ZBTB38: variants seen among roughly 807,000 people sequenced by gnomAD.
The protein encoded by ZBTB38 is zinc finger and BTB domain-containing protein 38.
A neutral mutation model predicts 76.8 loss-of-function variants in ZBTB38; 20 were observed. The ratio of observed to expected loss-of-function variants is 0.26; its 90% CI spans 0.18 to 0.38. The LOEUF (loss-of-function observed/expected upper bound fraction) is 0.38, where lower values mean the gene tolerates loss of function less well. Among genes scored for constraint, ZBTB38 ranks in the 10% least tolerant of loss-of-function variants. ZBTB38 has a pLI of 1.00. For missense variants in ZBTB38, 1,082 were observed against 1,482.3 expected, an observed-to-expected ratio of 0.73 and a Z score of 4.43; for synonymous variants, 504 against 544.2, an observed-to-expected ratio of 0.93 and a Z score of 1.03.
chr3:141,449,068 A>T lies in ZBTB38; in HGVS notation c.*3092A>T, dbSNP rs2081308772. 1 of 152,208 alleles carries T rather than the reference A, an allele frequency of 6.6e-6. No homozygotes were observed. The highest frequency in any genetic ancestry group is 1.5e-5 in the Non-Finnish European group (1 of 68,052). 9.4% of individuals were successfully genotyped at this position (152,208 alleles called of 1,614,324 possible). On this transcript the variant is annotated 3_prime_UTR_variant, in exon 6 of 6. Transcript: ENST00000321464. The stretch of plus-strand genomic sequence containing the variant: ...TTTACATAGGCTATTTCATTAACAC[A>T]CACGCACCAGAATTCGACCTCATTA...
At chr3:141,421,278 C>CTT (rs77094062) in intron 5 of ZBTB38, among the ~76,000 whole-genome samples, 213 of 125,556 alleles carry the variant, frequency 1.7e-3, no homozygotes, top group African/African-American at 2.3e-3. Flanking sequence ...AAACTTCTCT[C>CTT]TTTTTTTTTT....
At chr3:141,416,518 T>C (rs906883447) in intron 5 of ZBTB38, among the ~76,000 whole-genome samples, 1 of 152,164 alleles carries the variant, frequency 6.6e-6, no homozygotes, top group African/African-American at 2.4e-5. Flanking sequence ...TCAGGAAGCT[T>C]AGCGTGGAGT....
chr3:141,348,308 A>G (rs1299702171), intron 1 of ZBTB38, among the ~76,000 whole-genome samples: 2 of 152,256 alleles, frequency 1.3e-5, no homozygotes, highest in Non-Finnish European at 2.9e-5. Context: ...TTGTAGAAAT[A>G]GCCCACATCT....
intron 1 of ZBTB38, among the ~76,000 whole-genome samples, chr3:141,339,368 GT>G: frequency 6.6e-6 from 1 of 152,292 alleles, no homozygotes; most frequent in South Asian, 2.1e-4. Flanking sequence ...GAACAGAAGA[GT>G]AGTATGATCT....
At chr3:141,361,612 C>T (rs1214385437) in intron 1 of ZBTB38, among the ~76,000 whole-genome samples, 1 of 152,186 alleles carries the variant, frequency 6.6e-6, no homozygotes, top group Non-Finnish European at 1.5e-5. Context: ...GAAAACCCCA[C>T]AACAAGTTCA....
intron 1 of ZBTB38, among the ~76,000 whole-genome samples, chr3:141,331,522 CTG>C (rs1410727022): frequency 6.6e-6 from 1 of 152,166 alleles, no homozygotes; most frequent in Non-Finnish European, 1.5e-5. Flanking sequence ...TCAAGAATGA[CTG>C]TGTTTGGGTT....
chr3:141,443,233 T>C lies in ZBTB38; in HGVS notation c.845T>C (p.Ile282Thr). The change falls in exon 6 of 6, where the codon ATA (isoleucine) becomes ACA (threonine). Residue 282 changes from isoleucine to threonine, a missense_variant. Ile to Thr is a moderately conservative substitution (Grantham distance 89, BLOSUM62 -1). This residue lies in a region of ZBTB38 where 324 missense variants were observed against 359.1 expected (regional missense o/e 0.90). Coordinates refer to ENST00000321464, the MANE Select transcript of ZBTB38 (RefSeq NM_001376113.1). This position sits in a 1 kb window ranked among gnomAD's most constrained non-coding sequence, Gnocchi z 5.6. ...GATTCGGATTCAGCCACAGAAAATA[T>C]ACCACCCCCTCCAGTATCCAACTTA... Reference protein sequence around the residue: ...PQDSDSATENIPPPPVSNLEV... With the variant: ...PQDSDSATENTPPPPVSNLEV... The C allele has an allele frequency of 1.2e-6, 2 of 1,614,170 alleles. No individual in the cohort carries two copies. The highest frequency in any genetic ancestry group is 1.7e-6 in the Non-Finnish European group (2 of 1,180,032).
At chr3:141,434,628 T>C (rs2078334443) in intron 5 of ZBTB38, among the ~76,000 whole-genome samples, 1 of 152,174 alleles carries the variant, frequency 6.6e-6, no homozygotes, top group South Asian at 2.1e-4. Flanking sequence ...GTTTTTATTA[T>C]ATAAGGCTGA....
chr3:141,446,208 G>A lies in ZBTB38; in HGVS notation c.*232G>A. 5.9e-6 allele frequency: 2 copies of A among 338,698 alleles called. No homozygotes were observed. The highest frequency in any genetic ancestry group is 5.3e-6 in the Non-Finnish European group (1 of 189,328). 21.0% of individuals were successfully genotyped at this position (338,698 alleles called of 1,614,324 possible). On this transcript the variant is annotated 3_prime_UTR_variant, in exon 6 of 6. Transcript: ENST00000321464. Reference sequence around the variant, plus strand: ...ATAGCTGACTCCTCCAATATCCCAAGTTTCTTGTGAAAGTTAATAAAATTC... The same window carrying A: ...ATAGCTGACTCCTCCAATATCCCAAATTTCTTGTGAAAGTTAATAAAATTC...
chr3:141,332,533 T>C (rs575539586), intron 1 of ZBTB38, among the ~76,000 whole-genome samples: 15 of 152,134 alleles, frequency 9.9e-5, no homozygotes, highest in Non-Finnish European at 1.9e-4. Flanking sequence ...CTCCTTTATG[T>C]TGGGGATGTG....
intron 1 of ZBTB38, among the ~76,000 whole-genome samples, chr3:141,333,901 CTGGT>C (rs1244724132): frequency 6.6e-6 from 1 of 151,708 alleles, no homozygotes; most frequent in Non-Finnish European, 1.5e-5. Flanking sequence ...AGGGTGGAAT[CTGGT>C]TGGCCAATTT....
chr3:141,426,660 C>T (rs765141892), intron 5 of ZBTB38, among the ~76,000 whole-genome samples: 6 of 152,214 alleles, frequency 3.9e-5, no homozygotes, highest in Non-Finnish European at 8.8e-5. Flanking sequence ...AGGCCTCACA[C>T]GACACTGCCA....
intron 4 of ZBTB38, chr3:141,390,158 G>A (rs1420930745): frequency 6.6e-6 from 1 of 152,104 alleles, no homozygotes; most frequent in Non-Finnish European, 1.5e-5. Flanking sequence ...TCTTGACAAG[G>A]CACAAAGCTT....
At chr3:141,326,764 G>A (rs185612981) in intron 1 of ZBTB38, among the ~76,000 whole-genome samples, 5 of 152,260 alleles carry the variant, frequency 3.3e-5, no homozygotes, top group Admixed American at 2.6e-4. Context: ...ATAATACAAT[G>A]AAAAGATCCT....
chr3:141,415,642 T>C (rs763458356), intron 5 of ZBTB38, among the ~76,000 whole-genome samples: 5 of 152,224 alleles, frequency 3.3e-5, no homozygotes, highest in Non-Finnish European at 2.9e-5. Flanking sequence ...GATTGGCCTA[T>C]GTAAGATTGT....
At chr3:141,440,653 G>A (rs1040548289) in intron 5 of ZBTB38, among the ~76,000 whole-genome samples, 1 of 152,172 alleles carries the variant, frequency 6.6e-6, no homozygotes, top group African/African-American at 2.4e-5. Flanking sequence ...TTTTGTGTGT[G>A]TGTTTTGTTT....
chr3:141,364,010 C>G (rs1943889021), upstream of ZBTB38, among the ~76,000 whole-genome samples: 1 of 152,008 alleles, frequency 6.6e-6, no homozygotes, highest in Non-Finnish European at 1.5e-5. Context: ...TTTTATGCTT[C>G]AAATAACACC....
At chr3:141,422,668 C>T (rs1315839822) in intron 5 of ZBTB38, among the ~76,000 whole-genome samples, 2 of 152,144 alleles carry the variant, frequency 1.3e-5, no homozygotes, top group Admixed American at 1.3e-4. Flanking sequence ...GGGGTAGAAG[C>T]TCCCCTCTGG....
chr3:141,378,334 C>T (rs1242924927), intron 2 of ZBTB38, among the ~76,000 whole-genome samples: 1 of 151,446 alleles, frequency 6.6e-6, no homozygotes, highest in Non-Finnish European at 1.5e-5. Flanking sequence ...ACATGTGATA[C>T]GTTGCATAGA....
Sources: gnomAD v4.1 joint callset for allele counts (sites outside exome capture counted in the v4.1 genomes callset) on GRCh38, gnomAD v4.1.1 for gene constraint, gnomAD v4.1.1 regional missense constraint, Gnocchi (gnomAD v3.1) non-coding constraint, MANE v1.5 for transcripts, NCBI Gene and HGNC (gene_info 2026-07-23, HGNC 2026-07-21) for gene names.